Variants in DRD3 observed in about 807,000 individuals in gnomAD.
The protein encoded by DRD3 is dopamine receptor D3.
DRD3 carries 19 observed loss-of-function variants against 36.3 expected under a neutral mutation model. That is an observed-to-expected ratio of 0.52 (90% CI 0.36 to 0.77). The LOEUF (loss-of-function observed/expected upper bound fraction) is 0.77. Among genes scored for constraint, DRD3 ranks in the 30% least tolerant of loss-of-function variants. The pLI is 0.00. For synonymous variants in DRD3, 195 were observed against 203.7 expected (o/e 0.96, Z 0.36); for missense variants, 465 against 505.3 (o/e 0.92, Z 0.77).
chr3:114,131,998 C>T (rs982534127), intron 5 of DRD3, among the ~76,000 whole-genome samples: 17 of 152,126 alleles, frequency 1.1e-4, no homozygotes, highest in Admixed American at 6.5e-4. Context: ...AAGACTGTGG[C>T]GATTCCTCAT....
At chr3:114,156,797 TTC>T (rs377423214) in intron 3 of DRD3, among the ~76,000 whole-genome samples, 170 of 136,334 alleles carry the variant, frequency 1.2e-3, no homozygotes, top group Middle Eastern at 3.8e-3. Context: ...CTTTCTTTCT[TTC>T]TCTTTTCTTT....
At chr3:114,166,649 TTC>T (rs889904876) in intron 2 of DRD3, among the ~76,000 whole-genome samples, 14 of 152,204 alleles carry the variant, frequency 9.2e-5, no homozygotes, top group African/African-American at 3.4e-4. Flanking sequence ...GCCTCATGTA[TTC>T]TGTTGTAGCT....
intron 3 of DRD3, among the ~76,000 whole-genome samples, chr3:114,154,571 G>A (rs543615290): frequency 5.9e-5 from 9 of 152,186 alleles, no homozygotes; most frequent in Admixed American, 5.9e-4. Flanking sequence ...GAAGGAGAAA[G>A]CTTTTTGCAA....
At chr3:114,148,306 G>T (rs2077586802) in intron 3 of DRD3, among the ~76,000 whole-genome samples, 1 of 152,014 alleles carries the variant, frequency 6.6e-6, no homozygotes, top group South Asian at 2.1e-4. Flanking sequence ...ACCTAAAGAG[G>T]ATATTTACCT....
chr3:114,156,747 CTTTCTTTCTTTCTT>C (rs2077674460), intron 3 of DRD3, among the ~76,000 whole-genome samples: 1 of 82,318 alleles, frequency 1.2e-5, no homozygotes, highest in Non-Finnish European at 2.5e-5. Context: ...CTTTCTTTTT[CTTTCTTTCTTTCTT>C]TCTTTCTTTC....
intron 1 of DRD3, among the ~76,000 whole-genome samples, chr3:114,184,671 T>TTTTTTGAGACGGAGTCTCG (rs1458528095): frequency 6.6e-6 from 1 of 151,810 alleles, no homozygotes; most frequent in Non-Finnish European, 1.5e-5. Context: ...CTCCTTCTTT[T>TTTTTTGAGACGGAGTCTCG]CCTGCTTCAG....
chr3:114,133,147 C>T (rs536041733), intron 5 of DRD3, among the ~76,000 whole-genome samples: 8 of 152,112 alleles, frequency 5.3e-5, no homozygotes, highest in South Asian at 2.1e-4. Context: ...TGTGCCACCA[C>T]GCCTGCCTAA....
chr3:114,159,414 C>A (rs1484683583), intron 3 of DRD3, among the ~76,000 whole-genome samples: 2 of 151,890 alleles, frequency 1.3e-5, no homozygotes, highest in African/African-American at 4.8e-5. Flanking sequence ...CAACCCCAGT[C>A]AGCTCACCTT....
upstream of DRD3, among the ~76,000 whole-genome samples, chr3:114,181,789 T>G (rs928116915): frequency 6.6e-6 from 1 of 152,166 alleles, no homozygotes; most frequent in Non-Finnish European, 1.5e-5. Context: ...TGATGTGAAG[T>G]TTGTGGTGGG....
intron 6 of DRD3, 110 bp downstream of exon 6, chr3:114,131,008 A>G: frequency 7.8e-7 from 1 of 1,287,554 alleles, no homozygotes; most frequent in South Asian, 1.5e-5. Flanking sequence ...TATTGTGAAC[A>G]TTTGATAAGT....
intron 6 of DRD3, among the ~76,000 whole-genome samples, chr3:114,130,512 C>A (rs976140619): frequency 6.7e-6 from 1 of 149,818 alleles, no homozygotes; most frequent in Non-Finnish European, 1.5e-5. Context: ...GCAAGCTCTG[C>A]CTCCCAGGTT....
chr3:114,128,583 G>C lies in DRD3; in HGVS notation c.*133C>G, dbSNP rs897504223. ...TTGGAGGACACATCTGGTTATACCT[G>C]ACAAGCAGGGACATCCTGGCTCCAG... On this transcript the variant is annotated 3_prime_UTR_variant, in exon 7 of 7. Transcript: ENST00000383673. 2.3e-6 allele frequency: 2 copies of C among 886,366 alleles called. No individual in the cohort carries two copies. Among genetic ancestry groups the C allele is most frequent in the Non-Finnish European group, 3.3e-6 (2 of 607,172 alleles). The allele number at this position is 886,366 out of a possible 1,614,324, so 54.9% of individuals were successfully genotyped here.
upstream of DRD3, among the ~76,000 whole-genome samples, chr3:114,183,747 C>G (rs1455834999): frequency 6.6e-6 from 1 of 152,004 alleles, no homozygotes; most frequent in Non-Finnish European, 1.5e-5. Flanking sequence ...CATTCCTGCT[C>G]TCTTTTGGTT....
chr3:114,195,433 G>A (rs2078031625), intron 1 of DRD3, among the ~76,000 whole-genome samples: 1 of 152,122 alleles, frequency 6.6e-6, no homozygotes, highest in Middle Eastern at 3.2e-3. Context: ...ATATCAAAAT[G>A]AGAAAATGTT....
At chr3:114,175,677 A>C (rs535458100) in intron 1 of DRD3, among the ~76,000 whole-genome samples, 1 of 152,200 alleles carries the variant, frequency 6.6e-6, no homozygotes, top group Non-Finnish European at 1.5e-5. Context: ...AAATCCATGC[A>C]ACTGTGATTC....
intron 1 of DRD3, among the ~76,000 whole-genome samples, chr3:114,190,411 A>AACATATATAT (rs1368425474): frequency 1.5e-4 from 6 of 40,870 alleles, no homozygotes; most frequent in Non-Finnish European, 2.6e-4. Context: ...GAAAAAGGAT[A>AACATATATAT]ATATATATAT....
In DRD3 at chr3:114,127,739, A is replaced by G. The variant is rs1459782933; in HGVS notation, c.*977T>C. On this transcript the variant is annotated 3_prime_UTR_variant, in exon 7 of 7. Transcript: ENST00000383673. ...GAGCTATGATGTTGCAACAGCTATGACATCATTAAGTGATAGAAATTCTTC... is the reference window on the plus strand; with the variant it reads ...GAGCTATGATGTTGCAACAGCTATGGCATCATTAAGTGATAGAAATTCTTC... 1.3e-5 allele frequency among the ~76,000 whole-genome samples: 2 copies of G among 152,250 alleles called. No individual in the cohort carries two copies. The highest frequency in any genetic ancestry group is 2.9e-5 in the Non-Finnish European group (2 of 68,040).
chr3:114,150,765 G>C (rs1290180432), intron 3 of DRD3, among the ~76,000 whole-genome samples: 2 of 152,180 alleles, frequency 1.3e-5, no homozygotes, highest in African/African-American at 2.4e-5. Flanking sequence ...ACAGATGCTG[G>C]GCTCGAAGGG....
chr3:114,170,117 G>A (rs543921056), intron 2 of DRD3, among the ~76,000 whole-genome samples: 12 of 152,226 alleles, frequency 7.9e-5, no homozygotes, highest in South Asian at 2.1e-4. Context: ...CACCTAAAGC[G>A]CCTCATTCTT....
Sources: gnomAD v4.1 joint callset for allele counts (sites outside exome capture counted in the v4.1 genomes callset) on GRCh38, gnomAD v4.1.1 for gene constraint, MANE v1.5 for transcripts, NCBI Gene and HGNC (gene_info 2026-07-23, HGNC 2026-07-21) for gene names.